The following TBC1D30 variants were observed in gnomAD, a reference collection of about 807,000 sequenced individuals.
TBC1D30 encodes TBC1 domain family member 30, also known as TBC1 domain family, member 30.
A neutral mutation model predicts 63.2 loss-of-function variants in TBC1D30; 31 were observed. The ratio of observed to expected loss-of-function variants is 0.49; its 90% CI spans 0.37 to 0.66. TBC1D30 has a LOEUF of 0.66. Ranked by LOEUF, TBC1D30 falls within the 30% of genes least tolerant of loss-of-function variation. The probability of loss-of-function intolerance (pLI) is 0.00; values close to 1 mark genes in which losing one functional copy is unlikely to be tolerated. For synonymous variants in TBC1D30, 307 were observed against 361.5 expected, an observed-to-expected ratio of 0.85 and a Z score of 1.71; for missense variants, 810 against 953.6, an observed-to-expected ratio of 0.85 and a Z score of 1.98.
At position 64,875,011 on chromosome 12, in the gene TBC1D30, A is replaced by G. The variant is rs766455936; in HGVS notation, c.1509A>G (p.Pro503=). ...CAACATTTCTTTCAGACAAAGGGCC[A>G]GTGACCAGCATTCTCCCGTCTCAGG... ...HQVYIRADKG[P]VTSILPSQVN... The change falls in exon 12 of 12, where the codon CCA becomes CCG. Residue 503 remains proline (P), a synonymous_variant. Coordinates refer to ENST00000539867, the MANE Select transcript of TBC1D30 (RefSeq NM_015279.2). 11 of 1,535,820 alleles carry G rather than the reference A, an allele frequency of 7.2e-6. No individual in the cohort carries two copies. Among genetic ancestry groups the G allele is most frequent in the African/African-American group, 4.1e-5 (3 of 72,994 alleles).
At chr12:64,795,908 G>A (rs1872234563) in intron 2 of TBC1D30, among the ~76,000 whole-genome samples, 1 of 151,146 alleles carries the variant, frequency 6.6e-6, no homozygotes, top group African/African-American at 2.4e-5. Context: ...TTTAGATTAG[G>A]GTAGATTTGC....
At chr12:64,851,647 T>C (rs1876882521) in intron 8 of TBC1D30, among the ~76,000 whole-genome samples, 1 of 152,240 alleles carries the variant, frequency 6.6e-6, no homozygotes, top group African/African-American at 2.4e-5. Flanking sequence ...GGTATGTTTT[T>C]ACAGTGGTTG....
At chr12:64,798,805 CTTT>C (rs1227349778) in intron 2 of TBC1D30, among the ~76,000 whole-genome samples, 1 of 127,214 alleles carries the variant, frequency 7.9e-6, no homozygotes, top group Non-Finnish European at 1.6e-5. Context: ...CTTCAGGCAC[CTTT>C]TTTTTTTTTT....
At chr12:64,843,170 G>C (rs1384222422) in intron 7 of TBC1D30, among the ~76,000 whole-genome samples, 1 of 152,144 alleles carries the variant, frequency 6.6e-6, no homozygotes, top group Non-Finnish European at 1.5e-5. Context: ...ACGATACCCA[G>C]CTGATTTTTA....
In TBC1D30 at chr12:64,877,614, C is replaced by A. The variant is rs1009316785; in HGVS notation, c.*1826C>A. On this transcript the variant is annotated 3_prime_UTR_variant, in exon 12 of 12. Coordinates refer to ENST00000539867, the MANE Select transcript of TBC1D30 (RefSeq NM_015279.2). ...AGTTAGCATCCAGCTTCTTAAAAAG[C>A]AGCCACGCCTACAGCCTGTTTTTTG... 5 of 152,174 alleles carry A rather than the reference C, an allele frequency of 3.3e-5. No homozygotes were observed. Among genetic ancestry groups the A allele is most frequent in the Non-Finnish European group, 7.3e-5 (5 of 68,036 alleles). 9.4% of individuals were successfully genotyped at this position (152,174 alleles called of 1,614,324 possible).
At chr12:64,860,821 C>T (rs185242598) in intron 8 of TBC1D30, among the ~76,000 whole-genome samples, 1 of 152,196 alleles carries the variant, frequency 6.6e-6, no homozygotes, top group African/African-American at 2.4e-5. Context: ...TAGTGGCAGA[C>T]CCAAGACTGC....
intron 7 of TBC1D30, 128 bp from the exon 8 acceptor site, chr12:64,843,251 TC>T (rs1415148479): frequency 1.3e-6 from 1 of 747,898 alleles, no homozygotes; most frequent in African/African-American, 1.8e-5. Flanking sequence ...CGCCCCAGCC[TC>T]CCAGAGTGCT....
intron 1 of TBC1D30, among the ~76,000 whole-genome samples, chr12:64,774,631 C>T (rs2136281436): frequency 6.6e-6 from 1 of 152,194 alleles, no homozygotes; most frequent in African/African-American, 2.4e-5. Flanking sequence ...GATTGGGGGC[C>T]AACACTCAGA....
Position 64,875,560 on chromosome 12 carries a change from G to A in TBC1D30, c.2058G>A (p.Pro686=), listed in dbSNP as rs370315220. The A allele has an allele frequency of 2.8e-5, 43 of 1,535,980 alleles. No individual in the cohort carries two copies. Among genetic ancestry groups the A allele is most frequent in the Admixed American group, 1.2e-4 (6 of 50,976 alleles). ...PPCQRHCPEP[P]SAPEENKATS... ...GCCAGCGGCACTGCCCAGAGCCGCC[G>A]AGTGCACCCGAAGAAAACAAAGCCA... The change falls in exon 12 of 12, where the codon CCG becomes CCA. Residue 686 remains proline (P), a synonymous_variant. Coordinates refer to ENST00000539867, the MANE Select transcript of TBC1D30 (RefSeq NM_015279.2).
upstream of TBC1D30, among the ~76,000 whole-genome samples, chr12:64,777,060 A>T (rs1170867944): frequency 6.6e-6 from 1 of 152,188 alleles, no homozygotes; most frequent in Non-Finnish European, 1.5e-5. Flanking sequence ...TTCAACATCC[A>T]TTCATGTTAA....
At chr12:64,838,616 A>G in intron 6 of TBC1D30, 67 bp from the exon 7 acceptor site, 1 of 1,457,710 alleles carries the variant, frequency 6.9e-7, no homozygotes, top group Non-Finnish European at 9.2e-7. Context: ...GAAGACTAGA[A>G]AAGGGTATCT....
At chr12:64,833,840 G>C (rs1309748220) in intron 5 of TBC1D30, among the ~76,000 whole-genome samples, 1 of 148,662 alleles carries the variant, frequency 6.7e-6, no homozygotes, top group East Asian at 2.0e-4. Context: ...AAGCAATTTT[G>C]TTTACTCAGT....
rs539943803 is a variant in TBC1D30, at chr12:64,838,319, T to C, written c.764-364T>C. Among the ~76,000 whole-genome samples the C allele has an allele frequency of 6.2e-4, 94 of 152,354 alleles. No individual in the cohort carries two copies. The Middle Eastern group carries it at 0.014, about 22-fold the overall frequency. ...AGCATTTGAATATAAGTGGGCATTA[T>C]ATGATTTTGAAAATCTGATGGCTTT... On this transcript the variant is annotated intron_variant, in intron 6 of 11. Transcript: ENST00000539867.
chr12:64,785,814 A>G (rs1224935644), intron 1 of TBC1D30: 1 of 1,199,640 alleles, frequency 8.3e-7, no homozygotes. Flanking sequence ...CTTTGGACTA[A>G]TATCACACTG....
chr12:64,788,804 A>C (rs371480591), intron 2 of TBC1D30, among the ~76,000 whole-genome samples: 86 of 152,316 alleles, frequency 5.6e-4, no homozygotes, highest in African/African-American at 2.0e-3. Flanking sequence ...TCAATGGAAC[A>C]GAATGTTTTT....
intron 10 of TBC1D30, 72 bp from the exon 11 acceptor site, chr12:64,870,530 G>C (rs1382037795): frequency 8.2e-7 from 1 of 1,220,674 alleles, no homozygotes; most frequent in Non-Finnish European, 1.2e-6. Flanking sequence ...CTGAGTTGTA[G>C]TGTTATCAAT....
upstream of TBC1D30, among the ~76,000 whole-genome samples, chr12:64,822,825 G>A (rs76016431): frequency 0.011 from 1,603 of 152,108 alleles, 36 homozygotes; most frequent in African/African-American, 0.037. Flanking sequence ...CATTAATTGT[G>A]AAACATTTCC....
At chr12:64,816,980 C>T (rs900710449) in intron 2 of TBC1D30, among the ~76,000 whole-genome samples, 2 of 152,198 alleles carry the variant, frequency 1.3e-5, no homozygotes, top group African/African-American at 2.4e-5. Flanking sequence ...AGGTGTGAGC[C>T]ACCATGCCCA....
At chr12:64,802,123 T>C (rs966257495) in intron 2 of TBC1D30, among the ~76,000 whole-genome samples, 1 of 152,242 alleles carries the variant, frequency 6.6e-6, no homozygotes, top group Non-Finnish European at 1.5e-5. Context: ...ATGCATGTCC[T>C]ATCCCACGCC....
Sources: gnomAD v4.1 joint callset for allele counts (sites outside exome capture counted in the v4.1 genomes callset) on GRCh38, gnomAD v4.1.1 for gene constraint, MANE v1.5 for transcripts, NCBI Gene and HGNC (gene_info 2026-07-23, HGNC 2026-07-21) for gene names.